CHD9: variants seen among roughly 807,000 people sequenced by gnomAD.
The protein encoded by CHD9 is ATP-dependent chromatin remodeler CHD9.
A neutral mutation model predicts 316.1 loss-of-function variants in CHD9; 77 were observed. That is an observed-to-expected ratio of 0.24 (90% confidence interval 0.20 to 0.29). The LOEUF (loss-of-function observed/expected upper bound fraction) is 0.29, where lower values mean the gene tolerates loss of function less well. Ranked by LOEUF, CHD9 falls within the 10% of genes least tolerant of loss-of-function variation. The probability of loss-of-function intolerance (pLI) is 1.00; values close to 1 mark genes in which losing one functional copy is unlikely to be tolerated. For missense variants in CHD9, 2,763 were observed against 3,438.1 expected (o/e 0.80, Z 4.91); for synonymous variants, 1,129 against 1,158.3 (o/e 0.97, Z 0.51).
chr16:53,189,063 G>GT (rs199971346), intron 2 of CHD9, among the ~76,000 whole-genome samples: 114 of 149,708 alleles, frequency 7.6e-4, no homozygotes, highest in Middle Eastern at 3.4e-3. Flanking sequence ...ATTTCCTTGG[G>GT]TTTTTTTTTC....
chr16:53,236,619 C>CA (rs1555518979), intron 11 of CHD9, among the ~76,000 whole-genome samples: 1 of 150,510 alleles, frequency 6.6e-6, no homozygotes, highest in African/African-American at 2.4e-5. Context: ...CCCATTCCCC[C>CA]CCACCACCAC....
intron 4 of CHD9, among the ~76,000 whole-genome samples, chr16:53,225,568 T>G (rs540668757): frequency 3.3e-4 from 50 of 152,278 alleles, no homozygotes; most frequent in African/African-American, 1.1e-3. Context: ...GTATATTTGA[T>G]TCCAGATTTA....
At chr16:53,094,094 C>T (rs2036178573) in intron 1 of CHD9, among the ~76,000 whole-genome samples, 1 of 152,208 alleles carries the variant, frequency 6.6e-6, no homozygotes, top group Non-Finnish European at 1.5e-5. Flanking sequence ...CAGCAGGCAG[C>T]TCTGCTGTGG....
intron 1 of CHD9, among the ~76,000 whole-genome samples, chr16:53,133,794 A>G (rs2039513231): frequency 6.6e-6 from 1 of 152,156 alleles, no homozygotes; most frequent in African/African-American, 2.4e-5. Context: ...TTAATTACAA[A>G]CTTCTTATCT....
At chr16:53,272,548 A>C (rs1406481929) in intron 22 of CHD9, among the ~76,000 whole-genome samples, 1 of 152,206 alleles carries the variant, frequency 6.6e-6, no homozygotes, top group Admixed American at 6.5e-5. Flanking sequence ...GCTCAAATTC[A>C]TGGAAGATTA....
At chr16:53,138,342 A>G (rs1332526192) in intron 1 of CHD9, among the ~76,000 whole-genome samples, 1 of 152,208 alleles carries the variant, frequency 6.6e-6, no homozygotes, top group Non-Finnish European at 1.5e-5. Flanking sequence ...GTGAAATCAC[A>G]TTTGGAGGAT....
At chr16:53,219,862 A>G (rs1010656878) in intron 3 of CHD9, among the ~76,000 whole-genome samples, 1 of 152,226 alleles carries the variant, frequency 6.6e-6, no homozygotes, top group African/African-American at 2.4e-5. Flanking sequence ...GAATGCATGT[A>G]AAGTCAGCAC....
chr16:53,302,251 T>G (rs142835542), intron 30 of CHD9, among the ~76,000 whole-genome samples: 77 of 152,362 alleles, frequency 5.1e-4, no homozygotes, highest in African/African-American at 1.6e-3. Flanking sequence ...CTTCCTGCAA[T>G]CCGTAACAGG....
chr16:53,209,785 T>A lies in CHD9; in HGVS notation c.1756T>A (p.Ser586Thr). 6.3e-7 allele frequency: 1 copy of A among 1,594,260 alleles called. No homozygotes were observed. The highest frequency in any genetic ancestry group is 8.5e-7 in the Non-Finnish European group (1 of 1,171,030). ...DKDSKKTKTC[S>T]KLKEKTKIGK... The stretch of plus-strand genomic sequence containing the variant: ...AGACAGCAAAAAAACAAAAACATGT[T>A]CTAAGTTAAAAGAGAAGACAAAAAT... The change falls in exon 3 of 39, where the codon TCT becomes ACT. Residue 586 changes from serine to threonine, a missense_variant. By Grantham distance (58) the Ser-to-Thr change is moderately conservative (BLOSUM62 1). Around this residue, in one of 15 missense-constraint regions of CHD9, gnomAD observed 859 missense variants for 890.4 expected, o/e 0.96. Coordinates refer to ENST00000447540, the MANE Select transcript of CHD9 (RefSeq NM_001308319.2).
chr16:53,319,897 A>G, intron 37 of CHD9: 1 of 1,034,228 alleles, frequency 9.7e-7, no homozygotes, highest in Non-Finnish European at 1.2e-6. Flanking sequence ...TTTTCAATAG[A>G]AGCTTAATGA....
intron 29 of CHD9, among the ~76,000 whole-genome samples, chr16:53,294,160 T>A (rs893560602): frequency 6.6e-6 from 1 of 152,178 alleles, no homozygotes; most frequent in Non-Finnish European, 1.5e-5. Flanking sequence ...CAAACTTCTC[T>A]CATTCCACAA....
chr16:53,136,316 G>A (rs2039705446), intron 1 of CHD9, among the ~76,000 whole-genome samples: 1 of 151,936 alleles, frequency 6.6e-6, no homozygotes, highest in Non-Finnish European at 1.5e-5. Context: ...CTTGTCTAGT[G>A]GTCTTTTCAT....
intron 10 of CHD9, among the ~76,000 whole-genome samples, chr16:53,234,869 A>C (rs900024778): frequency 6.0e-5 from 9 of 150,888 alleles, no homozygotes; most frequent in Admixed American, 1.3e-4. Context: ...TATATTGTTA[A>C]GTTCCATTTG....
chr16:53,304,692 T>TA (rs2055773235), intron 31 of CHD9, 67 bp downstream of exon 31: 9 of 853,674 alleles, frequency 1.1e-5, no homozygotes, highest in South Asian at 5.9e-5. Context: ...TCTTTTCTTT[T>TA]CTTTTTTTTT....
chr16:53,152,967 T>C (rs2041236453), intron 1 of CHD9, among the ~76,000 whole-genome samples: 1 of 152,044 alleles, frequency 6.6e-6, no homozygotes, highest in Non-Finnish European at 1.5e-5. Flanking sequence ...CTCAGAAAAG[T>C]AGGAGAGAAA....
intron 19 of CHD9, among the ~76,000 whole-genome samples, chr16:53,261,359 C>CTTTTTTT (rs1195811638): frequency 9.7e-5 from 6 of 61,880 alleles, no homozygotes; most frequent in African/African-American, 1.3e-4. Context: ...GTGTTTTAGA[C>CTTTTTTT]TTTTTTTTTT....
chr16:53,228,565 G>C (rs1291451784), intron 7 of CHD9, among the ~76,000 whole-genome samples: 1 of 136,488 alleles, frequency 7.3e-6, no homozygotes, highest in Non-Finnish European at 1.6e-5. Flanking sequence ...TTTTGAGACG[G>C]AGTCTCGCTC....
chr16:53,116,167 C>A (rs2038285092), intron 1 of CHD9, among the ~76,000 whole-genome samples: 1 of 152,160 alleles, frequency 6.6e-6, no homozygotes, highest in Non-Finnish European at 1.5e-5. Context: ...TTAAGCAGTT[C>A]TCCTGCCTGA....
chr16:53,262,687 A>G (rs2051265438), intron 19 of CHD9, among the ~76,000 whole-genome samples: 1 of 152,178 alleles, frequency 6.6e-6, no homozygotes, highest in Non-Finnish European at 1.5e-5. Context: ...TAATGTTTTT[A>G]GAAACCATAC....
Sources: gnomAD v4.1 joint callset for allele counts (sites outside exome capture counted in the v4.1 genomes callset) on GRCh38, gnomAD v4.1.1 for gene constraint, gnomAD v4.1.1 regional missense constraint, MANE v1.5 for transcripts, NCBI Gene and HGNC (gene_info 2026-07-23, HGNC 2026-07-21) for gene names.